The following CHST15 variants were observed in gnomAD, a reference collection of about 807,000 sequenced individuals.
CHST15 encodes the protein carbohydrate sulfotransferase 15.
CHST15 carries 30 observed loss-of-function variants against 53.6 expected under a neutral mutation model. The ratio of observed to expected loss-of-function variants is 0.56; its 90% CI spans 0.42 to 0.76. The LOEUF (loss-of-function observed/expected upper bound fraction) is 0.76, where lower values mean the gene tolerates loss of function less well. Among genes scored for constraint, CHST15 ranks in the 30% least tolerant of loss-of-function variants. The probability of loss-of-function intolerance (pLI) is 0.00; values close to 1 mark genes in which losing one functional copy is unlikely to be tolerated. For missense variants in CHST15, 627 were observed against 740.5 expected, an observed-to-expected ratio of 0.85 and a Z score of 1.78; for synonymous variants, 296 against 289.8, an observed-to-expected ratio of 1.02 and a Z score of -0.22.
At chr10:124,057,363 A>G (rs1948418505) in intron 1 of CHST15, among the ~76,000 whole-genome samples, 1 of 152,230 alleles carries the variant, frequency 6.6e-6, no homozygotes, top group Non-Finnish European at 1.5e-5. Flanking sequence ...AATTAATCCA[A>G]AAGAGACACA....
intron 7 of CHST15, chr10:124,010,793 G>T (rs1946390462): frequency 1.8e-5 from 18 of 985,326 alleles, no homozygotes; most frequent in Non-Finnish European, 2.2e-5. Context: ...TCATGCCAAG[G>T]TCCCTGGGCC....
chr10:124,067,778 C>T (rs1405693198), intron 1 of CHST15, among the ~76,000 whole-genome samples: 3 of 152,004 alleles, frequency 2.0e-5, no homozygotes, highest in Non-Finnish European at 2.9e-5. Flanking sequence ...CACCATGCCC[C>T]GCTAATTTTT....
Position 124,010,272 on chromosome 10 carries a change from C to T in CHST15, c.1563G>A (p.Glu521=). 3 of 1,613,864 alleles carry T rather than the reference C, an allele frequency of 1.9e-6. No homozygotes were observed. The highest frequency in any genetic ancestry group is 2.5e-6 in the Non-Finnish European group (3 of 1,179,874). Reference sequence around the variant, plus strand: ...GCCACATGGGCCCCAGGTTCCGGTCCTCGGGACGCCGTGCATTGGATGCGG... The same window carrying T: ...GCCACATGGGCCCCAGGTTCCGGTCTTCGGGACGCCGTGCATTGGATGCGG... ...KSPASNARRP[E]DRNLGPMWPI... is the part of the protein sequence containing the mutation. The change falls in exon 8 of 8, where the codon GAG becomes GAA. Residue 521 remains glutamate (E), a synonymous_variant. Transcript: ENST00000435907.
At chr10:124,044,450 G>T in intron 3 of CHST15, 130 bp downstream of exon 3, 1 of 738,064 alleles carries the variant, frequency 1.4e-6, no homozygotes, top group Non-Finnish European at 2.1e-6. Flanking sequence ...CCTGGGAACA[G>T]CCTCCTAACA....
rs59993273 is a variant in CHST15 at position 124,015,397 on chromosome 10, C to CG, written c.1348-2918dup. Among the ~76,000 whole-genome samples, 222 of 135,964 alleles carry CG rather than the reference C, an allele frequency of 1.6e-3. 2 individuals carry two copies. The highest frequency in any genetic ancestry group is 0.011 in the Middle Eastern group (3 of 272). 89.2% of individuals were successfully genotyped at this position (135,964 alleles called of 152,430 possible). A position where few individuals can be genotyped will look rare whatever the true frequency, so the allele number is the denominator to read the frequency against. ...AGAAACATGGAGGTGCAGGGCAGGG[C>CG]GGGGGGGGCTACTCAGGGTCAGTGG... On this transcript the variant is annotated intron_variant, in intron 6 of 7. Coordinates refer to ENST00000435907, the MANE Select transcript of CHST15 (RefSeq NM_001270764.2).
intron 5 of CHST15, among the ~76,000 whole-genome samples, chr10:124,030,846 C>T (rs1044247918): frequency 6.6e-5 from 10 of 152,328 alleles, no homozygotes; most frequent in South Asian, 2.1e-4. Flanking sequence ...AGTTCCGCTG[C>T]GGTTCGAAGG....
intron 4 of CHST15, among the ~76,000 whole-genome samples, chr10:124,039,729 A>G (rs1335504323): frequency 2.0e-5 from 3 of 152,236 alleles, no homozygotes; most frequent in South Asian, 2.1e-4. Flanking sequence ...GGATGAAGCC[A>G]AATTTCCTGA....
intron 5 of CHST15, among the ~76,000 whole-genome samples, chr10:124,032,600 C>T (rs997960804): frequency 1.3e-5 from 2 of 152,132 alleles, no homozygotes; most frequent in South Asian, 2.1e-4. Flanking sequence ...TTACCACTTA[C>T]GAATGGGATT....
chr10:124,044,941 GAGACACAGAGGAGGGGAAAATGAGCAA>G, intron 2 of CHST15, 22 bp from the exon 3 acceptor site: 2 of 1,419,450 alleles, frequency 1.4e-6, no homozygotes, highest in South Asian at 1.6e-5. Flanking sequence ...CAGAGGAGGA[GAGACACAGAGGAGGGGAAAATGAGCAA>G]AGACACAATC....
chr10:124,047,023 T>C (rs1590266922), intron 1 of CHST15, among the ~76,000 whole-genome samples: 1 of 152,228 alleles, frequency 6.6e-6, no homozygotes, highest in East Asian at 1.9e-4. Context: ...CCCTCTGCCT[T>C]GATACTTCTC....
chr10:124,023,686 C>T (rs547112464), intron 5 of CHST15, among the ~76,000 whole-genome samples: 2 of 152,106 alleles, frequency 1.3e-5, no homozygotes, highest in South Asian at 2.1e-4. Flanking sequence ...ACATGGCCTA[C>T]GTGGCTCCAC....
intron 1 of CHST15, among the ~76,000 whole-genome samples, chr10:124,056,426 C>T (rs1181421310): frequency 6.6e-6 from 1 of 152,178 alleles, no homozygotes; most frequent in Non-Finnish European, 1.5e-5. Flanking sequence ...CTATTCATCA[C>T]TCAGGCTTGT....
At position 124,012,440 on chromosome 10, in the gene CHST15, T is replaced by C; in HGVS notation, c.1388A>G (p.Asp463Gly). 6.2e-7 allele frequency: 1 copy of C among 1,614,140 alleles called. No homozygotes were observed. The highest frequency in any genetic ancestry group is 1.3e-5 in the African/African-American group (1 of 75,024). ...TTGCTTGTCAAAAACGCTGAGCCAG[T>C]CCAGAAGGTACACAGCATAGAGCCC... ...QVGLYAVYLL[D>G]WLSVFDKQQF... Residue 463 changes from aspartate (D) to glycine (G), a missense_variant, in exon 7 of 8, where the codon GAC becomes GGC. Around this residue, in one of 3 missense-constraint regions of CHST15, gnomAD observed 279 missense variants for 371.6 expected, o/e 0.75. Coordinates refer to ENST00000435907, the MANE Select transcript of CHST15 (RefSeq NM_001270764.2).
chr10:124,025,856 G>A (rs966916177), intron 5 of CHST15, among the ~76,000 whole-genome samples: 2 of 152,174 alleles, frequency 1.3e-5, no homozygotes, highest in African/African-American at 4.8e-5. Flanking sequence ...GACTGCTGGA[G>A]GCCACCAAGA....
intron 1 of CHST15, among the ~76,000 whole-genome samples, chr10:124,071,768 T>C: frequency 6.6e-6 from 1 of 152,270 alleles, no homozygotes. Flanking sequence ...GGACCCAAGC[T>C]GTTCCAAACA....
chr10:124,045,119 A>AAAAAAAAC (rs1564881906), intron 2 of CHST15, among the ~76,000 whole-genome samples, 200 bp from the exon 3 acceptor site: 1 of 65,154 alleles, frequency 1.5e-5, no homozygotes. Context: ...CCACAAAAAA[A>AAAAAAAAC]AAAAAAAAAA....
chr10:124,089,681 A>C, intron 1 of CHST15, among the ~76,000 whole-genome samples: 3 of 150,716 alleles, frequency 2.0e-5, no homozygotes, highest in East Asian at 2.0e-4. Context: ...TGAAAAGGAG[A>C]CTCCTCACAC....
intron 1 of CHST15, among the ~76,000 whole-genome samples, chr10:124,057,436 T>C (rs1029155996): frequency 6.6e-6 from 1 of 152,302 alleles, no homozygotes; most frequent in South Asian, 2.1e-4. Context: ...ACCTACTATG[T>C]GCAGGGCTTG....
intron 1 of CHST15, among the ~76,000 whole-genome samples, chr10:124,066,927 T>G (rs903880859): frequency 7.0e-4 from 107 of 152,228 alleles, no homozygotes; most frequent in African/African-American, 2.5e-3. Context: ...GCCTCCTCCT[T>G]TTGTCCCATT....
Sources: allele counts gnomAD v4.1 joint callset (sites outside exome capture counted in the v4.1 genomes callset), GRCh38; gene constraint gnomAD v4.1.1; regional missense constraint gnomAD v4.1.1; transcripts MANE v1.5; gene names NCBI Gene and HGNC (gene_info 2026-07-23, HGNC 2026-07-21).